ZNF365: variants seen among roughly 807,000 people sequenced by gnomAD.
ZNF365 encodes zinc finger protein 365.
ZNF365 carries 22 observed loss-of-function variants against 35.0 expected under a neutral mutation model. That is an observed-to-expected ratio of 0.63 (90% CI 0.45 to 0.90). ZNF365 has a LOEUF of 0.90. Ranked by LOEUF, ZNF365 falls within the 40% of genes least tolerant of loss-of-function variation. The pLI is 0.00. For missense variants in ZNF365, 448 were observed against 500.3 expected (o/e 0.90, Z 1.00); for synonymous variants, 188 against 196.2 (o/e 0.96, Z 0.35).
chr10:62,387,090 C>T (rs2132416404), intron 2 of ZNF365, among the ~76,000 whole-genome samples: 1 of 152,252 alleles, frequency 6.6e-6, no homozygotes, highest in East Asian at 1.9e-4. Context: ...CTCATTAGCT[C>T]CCCTGGGACT....
chr10:62,435,754 CA>C (rs1414292028), intron 3 of ZNF365, among the ~76,000 whole-genome samples: 10 of 152,154 alleles, frequency 6.6e-5, no homozygotes, highest in Non-Finnish European at 1.5e-4. Context: ...AGACTTCTGG[CA>C]ATGCCTAAAT....
In ZNF365 at chr10:62,428,005, G is replaced by A. The variant is rs556518248; in HGVS notation, c.925-31736G>A. 1.9e-3 allele frequency among the ~76,000 whole-genome samples: 285 copies of A among 152,238 alleles called. 8 individuals are homozygous for A. In the South Asian group the frequency reaches 0.056, roughly 30 times the overall value. The stretch of plus-strand genomic sequence containing the variant: ...ATATGATTGGAAAACCAAGAGTGGC[G>A]TAGGAACTTTGTAGCCTCAACCGCA... On this transcript the variant is annotated intron_variant, in intron 3 of 4. Coordinates refer to the ZNF365 transcript ENST00000395255.
At chr10:62,474,227 G>T (rs961547036) in intron 4 of ZNF365, among the ~76,000 whole-genome samples, 3 of 152,180 alleles carry the variant, frequency 2.0e-5, no homozygotes, top group Admixed American at 2.0e-4. Context: ...CACCTTCCAT[G>T]AAAGATATGG....
At chr10:62,385,740 T>G (rs1281727754) in intron 2 of ZNF365, among the ~76,000 whole-genome samples, 4 of 152,200 alleles carry the variant, frequency 2.6e-5, no homozygotes, top group Admixed American at 6.5e-5. Flanking sequence ...CAAACACAAA[T>G]GTGTTGAGTG....
At chr10:62,380,990 G>A (rs538745398) in intron 2 of ZNF365, among the ~76,000 whole-genome samples, 1 of 152,074 alleles carries the variant, frequency 6.6e-6, no homozygotes, top group African/African-American at 2.4e-5. Flanking sequence ...TGAGGTGTGT[G>A]GGGGGGAACA....
At chr10:62,425,759 C>T (rs1840241514) in intron 3 of ZNF365, among the ~76,000 whole-genome samples, 1 of 152,112 alleles carries the variant, frequency 6.6e-6, no homozygotes, top group Admixed American at 6.6e-5. Context: ...GTATCACCAT[C>T]GGATGTACCA....
rs759712340 is a variant in ZNF365 at position 62,479,918 on chromosome 10, C to A, written c.*22C>A. 6.8e-6 allele frequency: 11 copies of A among 1,612,886 alleles called. No individual in the cohort carries two copies. The Admixed American group carries it at 1.0e-4, about 15-fold the overall frequency. On this transcript the variant is annotated 3_prime_UTR_variant, in exon 5 of 5. Coordinates refer to the ZNF365 transcript ENST00000395255. ...ATAATGAACTTCGAATGATGTGATTCTGGATGAGGACTTGGATCAAGAGAA... is the reference window on the plus strand; with the variant it reads ...ATAATGAACTTCGAATGATGTGATTATGGATGAGGACTTGGATCAAGAGAA...
rs145959004 is a variant in ZNF365 at position 62,464,903 on chromosome 10, G to A, written c.981+5106G>A. 2.5e-3 allele frequency among the ~76,000 whole-genome samples: 387 copies of A among 152,340 alleles called. 7 individuals carry two copies. Among genetic ancestry groups the A allele is most frequent in the African/African-American group, 8.8e-3 (365 of 41,578 alleles). On this transcript the variant is annotated intron_variant, in intron 4 of 4. Transcript: ENST00000395255. ...AAGGATGCCAGCTATAGCAAGGGAGGCGCAGCCAGAGCTGTGCACTCTGCA... is the reference window on the plus strand; with the variant it reads ...AAGGATGCCAGCTATAGCAAGGGAGACGCAGCCAGAGCTGTGCACTCTGCA...
chr10:62,437,336 G>A (rs1339991782), intron 3 of ZNF365, among the ~76,000 whole-genome samples: 1 of 152,086 alleles, frequency 6.6e-6, no homozygotes, highest in Admixed American at 6.6e-5. Context: ...ATCTAAAAAA[G>A]TTGATCTATA....
intron 4 of ZNF365, among the ~76,000 whole-genome samples, chr10:62,467,988 T>C (rs893765004): frequency 9.2e-5 from 14 of 152,184 alleles, no homozygotes; most frequent in African/African-American, 2.4e-5. Flanking sequence ...TGAATTTTGC[T>C]AAATAGTGAT....
intron 3 of ZNF365, among the ~76,000 whole-genome samples, chr10:62,391,535 G>A (rs940063745): frequency 2.0e-5 from 3 of 152,170 alleles, no homozygotes; most frequent in Admixed American, 1.3e-4. Context: ...TTAGAATAAC[G>A]GTCTCCAGTT....
In ZNF365 at chr10:62,398,687, C is replaced by A. The variant is rs1839771285; in HGVS notation, c.925-53C>A. On this transcript the variant is annotated intron_variant, in intron 3 of 4. Transcript: ENST00000395254. ...AAAGTATAAGAAATATTTTAAAAAC[C>A]AAATCCAGTCCTCAAATGCAGTTAA... 11 of 1,552,300 alleles carry A rather than the reference C, an allele frequency of 7.1e-6. No homozygotes were observed. In the South Asian group the frequency reaches 9.3e-5, roughly 13 times the overall value.
chr10:62,468,140 A>G (rs1356135664), intron 4 of ZNF365, among the ~76,000 whole-genome samples: 2 of 152,214 alleles, frequency 1.3e-5, no homozygotes, highest in Admixed American at 1.3e-4. Flanking sequence ...CTTTTGTCAT[A>G]TGACTACAAA....
intron 3 of ZNF365, among the ~76,000 whole-genome samples, chr10:62,443,798 C>T (rs79973974): frequency 0.01 from 1,590 of 152,216 alleles, 29 homozygotes; most frequent in African/African-American, 0.036. Flanking sequence ...AGGAGGTAAT[C>T]GCCTTTAACT....
intron 3 of ZNF365, among the ~76,000 whole-genome samples, chr10:62,397,258 C>T (rs918798818): frequency 7.1e-6 from 1 of 141,408 alleles, no homozygotes; most frequent in Non-Finnish European, 1.5e-5. Context: ...CTTGTCTCCT[C>T]ATGACCTGAG....
chr10:62,393,365 A>G (rs941836803), intron 3 of ZNF365, among the ~76,000 whole-genome samples: 1 of 152,244 alleles, frequency 6.6e-6, no homozygotes, highest in Non-Finnish European at 1.5e-5. Context: ...TATATGTGCT[A>G]TACTTCTATG....
intron 4 of ZNF365, among the ~76,000 whole-genome samples, chr10:62,464,914 G>A (rs1482895198): frequency 6.6e-6 from 1 of 152,222 alleles, no homozygotes; most frequent in Non-Finnish European, 1.5e-5. Context: ...CGCAGCCAGA[G>A]CTGTGCACTC....
chr10:62,376,926 A>G lies in ZNF365; in HGVS notation c.733A>G (p.Arg245Gly). 1.9e-6 allele frequency: 3 copies of G among 1,606,960 alleles called. No homozygotes were observed. The highest frequency in any genetic ancestry group is 2.5e-6 in the Non-Finnish European group (3 of 1,177,354). The change falls in exon 2 of 5, where the codon AGG becomes GGG. Residue 245 changes from arginine to glycine, a missense_variant. Coordinates refer to ENST00000395254, the MANE Select transcript of ZNF365 (RefSeq NM_014951.3). Reference protein sequence around the residue: ...RLTESEEELLRKEEEVVTFNH... With the variant: ...RLTESEEELLGKEEEVVTFNH... ...GACGGAATCTGAGGAGGAGCTTCTTAGGAAAGAAGAGTAAGTGTTGCTGAC... is the reference window on the plus strand; with the variant it reads ...GACGGAATCTGAGGAGGAGCTTCTTGGGAAAGAAGAGTAAGTGTTGCTGAC...
chr10:62,458,665 G>A (rs1033950130), intron 3 of ZNF365, among the ~76,000 whole-genome samples: 14 of 152,084 alleles, frequency 9.2e-5, no homozygotes, highest in African/African-American at 3.4e-4. Context: ...ACCACTTGGG[G>A]AAAACAGGGA....
Sources: allele counts gnomAD v4.1 joint callset (sites outside exome capture counted in the v4.1 genomes callset), GRCh38; gene constraint gnomAD v4.1.1; transcripts MANE v1.5; gene names NCBI Gene and HGNC (gene_info 2026-07-23, HGNC 2026-07-21).